The following PLEKHA7 variants were observed in gnomAD, a reference collection of about 807,000 sequenced individuals.
The protein encoded by PLEKHA7 is pleckstrin homology domain containing A7.
A neutral mutation model predicts 170.0 loss-of-function variants in PLEKHA7; 104 were observed. That is an observed-to-expected ratio of 0.61 (90% CI 0.52 to 0.72). The LOEUF (loss-of-function observed/expected upper bound fraction) is 0.72, where lower values mean the gene tolerates loss of function less well. Among genes scored for constraint, PLEKHA7 ranks in the 30% least tolerant of loss-of-function variants. The pLI is 0.00. For synonymous variants in PLEKHA7, 648 were observed against 660.8 expected (o/e 0.98, Z 0.30); for missense variants, 1,615 against 1,671.7 (o/e 0.97, Z 0.59).
chr11:16,830,932 C>T (rs556140893), intron 9 of PLEKHA7, among the ~76,000 whole-genome samples: 2 of 152,232 alleles, frequency 1.3e-5, no homozygotes, highest in African/African-American at 4.8e-5. Flanking sequence ...TATGTATGTA[C>T]ATGAGTATAT....
At chr11:16,940,004 A>G (rs779818066) in intron 3 of PLEKHA7, among the ~76,000 whole-genome samples, 3 of 152,152 alleles carry the variant, frequency 2.0e-5, no homozygotes, top group Non-Finnish European at 4.4e-5. Context: ...AGAGAATGGT[A>G]CCACATTTGC....
rs914027019 is a variant in PLEKHA7, at chr11:16,852,189, T to C, written c.595+94A>G. On this transcript the variant is annotated intron_variant, in intron 7 of 26. Transcript: ENST00000531066. ...TTATTTTAACCCAACAGATTGAACT[T>C]CCTGTGTTAGGACTGGTAAACCTGA... 3.9e-6 allele frequency: 4 copies of C among 1,035,804 alleles called. No individual in the cohort carries two copies. The African/African-American group carries it at 4.8e-5, about 13-fold the overall frequency. The allele number at this position is 1,035,804 out of a possible 1,614,324, so 64.2% of individuals were successfully genotyped here.
intron 12 of PLEKHA7, among the ~76,000 whole-genome samples, chr11:16,815,679 A>G (rs1422601489): frequency 6.6e-6 from 1 of 151,982 alleles, no homozygotes; most frequent in Non-Finnish European, 1.5e-5. Context: ...CCACACCCAG[A>G]TAGTTTTTGT....
chr11:16,798,218 C>G (rs572803000), intron 17 of PLEKHA7, among the ~76,000 whole-genome samples: 3 of 152,220 alleles, frequency 2.0e-5, no homozygotes, highest in Non-Finnish European at 4.4e-5. Context: ...TTTTCTAGGG[C>G]TCTAACAGCC....
At chr11:16,855,209 G>T (rs1853334602) in intron 5 of PLEKHA7, among the ~76,000 whole-genome samples, 1 of 151,868 alleles carries the variant, frequency 6.6e-6, no homozygotes, top group South Asian at 2.1e-4. Context: ...TCCCAGCTGG[G>T]TCACTGAAAA....
At chr11:16,833,947 G>T (rs936472637) in intron 9 of PLEKHA7, among the ~76,000 whole-genome samples, 1 of 151,960 alleles carries the variant, frequency 6.6e-6, no homozygotes, top group Non-Finnish European at 1.5e-5. Context: ...ACTTTGGGAG[G>T]CCAAGGTGGG....
At chr11:16,938,591 A>C (rs961490560) in intron 3 of PLEKHA7, among the ~76,000 whole-genome samples, 4 of 152,152 alleles carry the variant, frequency 2.6e-5, no homozygotes, top group Non-Finnish European at 4.4e-5. Flanking sequence ...TGATATATAC[A>C]TAAAAATCCT....
intron 4 of PLEKHA7, 104 bp downstream of exon 4, chr11:16,870,995 G>T: frequency 1.2e-6 from 1 of 814,986 alleles, no homozygotes; most frequent in Non-Finnish European, 2.0e-6. Context: ...CTCACCCCAA[G>T]CCCCTCTGTC....
intron 13 of PLEKHA7, among the ~76,000 whole-genome samples, chr11:16,803,898 T>C (rs1481513113): frequency 6.6e-6 from 1 of 152,134 alleles, no homozygotes; most frequent in Non-Finnish European, 1.5e-5. Flanking sequence ...TTTTAATTGT[T>C]CCCTGAATAA....
chr11:16,791,179 C>T lies in PLEKHA7; in HGVS notation c.2766G>A (p.Arg922=), dbSNP rs746945509. 9.4e-6 allele frequency: 15 copies of T among 1,598,726 alleles called. No individual in the cohort carries two copies. Among genetic ancestry groups the T allele is most frequent in the African/African-American group, 4.0e-5 (3 of 74,246 alleles). Reference sequence around the variant, plus strand: ...GGCTGTAGAGTTCGGGGAGTGGGGGCCTGGGAGGTGCTTCATCTTCCTGCT... The same window carrying T: ...GGCTGTAGAGTTCGGGGAGTGGGGGTCTGGGAGGTGCTTCATCTTCCTGCT... ...KPKVEDEAPP[R]PPLPELYSPE... The change falls in exon 20 of 27, where the codon AGG becomes AGA. Residue 922 remains arginine, a synonymous_variant. Transcript: ENST00000531066. The surrounding 1 kb of genome is among the most constrained non-coding windows in gnomAD (Gnocchi z 4.5).
chr11:16,964,695 G>A (rs1862264076), intron 3 of PLEKHA7, among the ~76,000 whole-genome samples: 1 of 152,204 alleles, frequency 6.6e-6, no homozygotes, highest in Non-Finnish European at 1.5e-5. Context: ...GAAAATCAGA[G>A]CACCTGAAAT....
At chr11:16,790,397 T>C (rs997566902) in intron 21 of PLEKHA7, 43 of 209,712 alleles carry the variant, frequency 2.1e-4, no homozygotes, top group African/African-American at 9.1e-4. Flanking sequence ...GCCAGAGCAC[T>C]GGGATTGTCT....
chr11:16,984,752 T>C (rs546132323), intron 3 of PLEKHA7, among the ~76,000 whole-genome samples: 194 of 152,342 alleles, frequency 1.3e-3, no homozygotes, highest in Non-Finnish European at 4.1e-4. Flanking sequence ...CAGAGACCTT[T>C]ATTGATTTTG....
chr11:16,788,625 A>G lies in PLEKHA7; in HGVS notation c.3357+471T>C, dbSNP rs574577759. 1.9e-3 allele frequency: 380 copies of G among 195,132 alleles called. 7 individuals carry two copies. In the South Asian group the frequency reaches 0.037, roughly 19 times the overall value. 12.1% of individuals were successfully genotyped at this position (195,132 alleles called of 1,614,324 possible). On this transcript the variant is annotated intron_variant, in intron 23 of 26. Coordinates refer to ENST00000531066, the MANE Select transcript of PLEKHA7 (RefSeq NM_001329630.2). ...CCTGAGGCCTCTGCACTGCAAGCCCAGGGAGACCAGTGGCCCTTGGGGCAG... is the reference window on the plus strand; with the variant it reads ...CCTGAGGCCTCTGCACTGCAAGCCCGGGGAGACCAGTGGCCCTTGGGGCAG...
intron 4 of PLEKHA7, among the ~76,000 whole-genome samples, chr11:16,865,108 C>G (rs1854277958): frequency 6.6e-6 from 1 of 152,198 alleles, no homozygotes; most frequent in African/African-American, 2.4e-5. Context: ...CAACACCTCT[C>G]TTAAAATTTA....
In PLEKHA7 at chr11:16,789,390, C is replaced by T. The variant is rs1159461883; in HGVS notation, c.3157-94G>A. 3 of 1,199,158 alleles carry T rather than the reference C, an allele frequency of 2.5e-6. No individual in the cohort carries two copies. The highest frequency in any genetic ancestry group is 3.6e-6 in the Non-Finnish European group (3 of 824,544). The allele number at this position is 1,199,158 out of a possible 1,614,324, so 74.3% of individuals were successfully genotyped here. On this transcript the variant is annotated intron_variant, in intron 22 of 26. Coordinates refer to ENST00000531066, the MANE Select transcript of PLEKHA7 (RefSeq NM_001329630.2). This position sits in a 1 kb window ranked among gnomAD's most constrained non-coding sequence, Gnocchi z 4.6. ...TGCTGGCTGCATTCCCGTTGTCTCT[C>T]TCTCACACACATGCACACTCTAGTT...
chr11:16,929,957 T>C (rs968640961), intron 3 of PLEKHA7, among the ~76,000 whole-genome samples: 3 of 151,854 alleles, frequency 2.0e-5, no homozygotes, highest in African/African-American at 7.3e-5. Flanking sequence ...TGAGCTGAGA[T>C]TGCGCCACTG....
intron 9 of PLEKHA7, among the ~76,000 whole-genome samples, chr11:16,838,807 C>T (rs1367413828): frequency 1.3e-5 from 2 of 151,454 alleles, no homozygotes; most frequent in East Asian, 3.9e-4. Context: ...CTGCCTCAGC[C>T]TCCCGAGTAG....
At position 16,837,833 on chromosome 11, in the gene PLEKHA7, A is replaced by G. The variant is rs1170019092; in HGVS notation, c.872+3714T>C. 9.9e-4 allele frequency among the ~76,000 whole-genome samples: 151 copies of G among 152,294 alleles called. 2 individuals carry two copies. The highest frequency in any genetic ancestry group is 7.4e-5 in the Non-Finnish European group (5 of 68,016). Reference sequence around the variant, plus strand: ...CAGGAAAAAGGGAACAAACCTGGTTAAGAGAGCCTGAAAGTCCACGATGGG... The same window carrying G: ...CAGGAAAAAGGGAACAAACCTGGTTGAGAGAGCCTGAAAGTCCACGATGGG... On this transcript the variant is annotated intron_variant, in intron 9 of 26. Transcript: ENST00000531066.
Sources: allele counts gnomAD v4.1 joint callset (sites outside exome capture counted in the v4.1 genomes callset), GRCh38; gene constraint gnomAD v4.1.1; non-coding constraint Gnocchi (gnomAD v3.1); transcripts MANE v1.5; gene names NCBI Gene and HGNC (gene_info 2026-07-23, HGNC 2026-07-21).